FMN2: variants seen among roughly 807,000 people sequenced by gnomAD.
FMN2 encodes the protein formin 2.
FMN2 carries 51 observed loss-of-function variants against 142.3 expected under a neutral mutation model. That is an observed-to-expected ratio of 0.36 (90% CI 0.29 to 0.45). FMN2 has a LOEUF of 0.45. Among genes scored for constraint, FMN2 ranks in the 20% least tolerant of loss-of-function variants. FMN2 has a pLI of 1.00. For missense variants in FMN2, 1,936 were observed against 2,122.8 expected (o/e 0.91, Z 1.73); for synonymous variants, 882 against 869.8 (o/e 1.01, Z -0.25).
At chr1:240,097,124 A>G (rs1661226467) in intron 1 of FMN2, among the ~76,000 whole-genome samples, 1 of 151,932 alleles carries the variant, frequency 6.6e-6, no homozygotes. Flanking sequence ...TCCCAAGTCA[A>G]TTATGTGCTT....
chr1:240,251,258 T>A (rs1477991405), intron 6 of FMN2, among the ~76,000 whole-genome samples: 4 of 152,088 alleles, frequency 2.6e-5, no homozygotes, highest in Non-Finnish European at 5.9e-5. Context: ...CTCATAGGTT[T>A]TGGTGTTTTG....
chr1:240,419,435 T>C (rs933043135), intron 15 of FMN2, among the ~76,000 whole-genome samples: 2 of 151,842 alleles, frequency 1.3e-5, no homozygotes, highest in African/African-American at 4.8e-5. Flanking sequence ...AGTGTGAGGG[T>C]TATTCCTCAA....
At chr1:240,137,270 G>C (rs945153914) in intron 2 of FMN2, among the ~76,000 whole-genome samples, 1 of 151,916 alleles carries the variant, frequency 6.6e-6, no homozygotes, top group Non-Finnish European at 1.5e-5. Context: ...TTATTGTCTA[G>C]ATCAGGGGTT....
At position 240,474,667 on chromosome 1, in the gene FMN2, A is replaced by T. The variant is rs1465245450; in HGVS notation, c.*513A>T. 4 of 152,460 alleles carry T rather than the reference A, an allele frequency of 2.6e-5. No individual in the cohort carries two copies. The highest frequency in any genetic ancestry group is 4.4e-5 in the Non-Finnish European group (3 of 68,020). The allele number at this position is 152,460 out of a possible 1,614,324, so 9.4% of individuals were successfully genotyped here. ...ACCGTTTATAATCAGTGCTTTCCCA[A>T]CTCTTGGGTTGCTCTCCATAACTAT... On this transcript the variant is annotated 3_prime_UTR_variant, in exon 18 of 18. Transcript: ENST00000319653.
intron 14 of FMN2, 32 bp from the exon 15 acceptor site, chr1:240,392,479 T>G (rs1182238863): frequency 1.3e-6 from 2 of 1,590,436 alleles, no homozygotes; most frequent in Admixed American, 3.4e-5. Context: ...TTATCATTTA[T>G]CTCATGTACT....
At position 240,177,645 on chromosome 1, in the gene FMN2, G is replaced by T. The variant is rs1664973917; in HGVS notation, c.1783-276G>T. Reference sequence around the variant, plus strand: ...ATCTGATTTTATAATTCCCTGCAGGGCTACATAGCATCTCTCCCTCCAAAG... The same window carrying T: ...ATCTGATTTTATAATTCCCTGCAGGTCTACATAGCATCTCTCCCTCCAAAG... On this transcript the variant is annotated intron_variant, in intron 2 of 17. Coordinates refer to ENST00000319653, the MANE Select transcript of FMN2 (RefSeq NM_020066.5). 2.6e-5 allele frequency among the ~76,000 whole-genome samples: 4 copies of T among 152,130 alleles called. 1 individual carries two copies. The highest frequency in any genetic ancestry group is 2.6e-4 in the Admixed American group (4 of 15,274).
chr1:240,461,575 C>T (rs1270329877), intron 16 of FMN2, among the ~76,000 whole-genome samples: 1 of 152,144 alleles, frequency 6.6e-6, no homozygotes, highest in Non-Finnish European at 1.5e-5. Flanking sequence ...AAATACATTG[C>T]AAGTCATCTA....
At chr1:240,269,240 A>G (rs1668911934) in intron 7 of FMN2, among the ~76,000 whole-genome samples, 3 of 151,928 alleles carry the variant, frequency 2.0e-5, no homozygotes, top group Non-Finnish European at 4.4e-5. Flanking sequence ...ATAAGGATCT[A>G]TTTTCATTTT....
Position 240,209,443 on chromosome 1 carries a change from C to T in FMN2, c.3920+711C>T, listed in dbSNP as rs528469268. On this transcript the variant is annotated intron_variant, in intron 5 of 17. Transcript: ENST00000319653. The stretch of plus-strand genomic sequence containing the variant: ...TTTTTTTTTGTATTTTCAGTAGAGA[C>T]GGGGTTTCACCGTGTTAGCCAGGAT... Among the ~76,000 whole-genome samples the T allele has an allele frequency of 2.7e-3, 405 of 150,772 alleles. 3 individuals carry two copies. In the South Asian group the frequency reaches 0.027, roughly 10 times the overall value.
At chr1:240,467,894 A>T (rs2103241963) in intron 16 of FMN2, among the ~76,000 whole-genome samples, 1 of 152,378 alleles carries the variant, frequency 6.6e-6, no homozygotes, top group Non-Finnish European at 1.5e-5. Flanking sequence ...CATCTCTTCC[A>T]TCTAAAAGAT....
At chr1:240,406,706 A>C (rs141837497) in intron 15 of FMN2, among the ~76,000 whole-genome samples, 1 of 152,262 alleles carries the variant, frequency 6.6e-6, no homozygotes, top group African/African-American at 2.4e-5. Flanking sequence ...TGTTAATGCA[A>C]ATTCTCAAAA....
intron 2 of FMN2, among the ~76,000 whole-genome samples, chr1:240,165,919 C>T (rs1363215446): frequency 6.6e-6 from 1 of 151,930 alleles, no homozygotes; most frequent in Non-Finnish European, 1.5e-5. Flanking sequence ...GTCCTCCAGT[C>T]CCTTTCCCCG....
intron 15 of FMN2, among the ~76,000 whole-genome samples, chr1:240,396,557 A>T (rs1334244262): frequency 4.0e-5 from 6 of 151,828 alleles, no homozygotes; most frequent in Non-Finnish European, 7.4e-5. Context: ...TGGTTCTGTC[A>T]TCCAGGTATT....
Position 240,206,404 on chromosome 1 carries a change from T to A in FMN2, c.1987-395T>A, listed in dbSNP as rs183531996. 3.9e-3 allele frequency among the ~76,000 whole-genome samples: 599 copies of A among 152,324 alleles called. 6 individuals carry two copies. The highest frequency in any genetic ancestry group is 0.014 in the African/African-American group (562 of 41,570). ...TTCAGTGATCACTTTTAAAAAGCAG[T>A]GACTACCTTTAAAATTCGGGATTAC... On this transcript the variant is annotated intron_variant, in intron 4 of 17. Coordinates refer to ENST00000319653, the MANE Select transcript of FMN2 (RefSeq NM_020066.5).
At chr1:240,430,517 CT>C (rs1361489384) in intron 15 of FMN2, among the ~76,000 whole-genome samples, 1 of 151,930 alleles carries the variant, frequency 6.6e-6, no homozygotes, top group South Asian at 2.1e-4. Context: ...GATTTATCAA[CT>C]TTTTTTCTCT....
At chr1:240,248,684 C>T (rs901705160) in intron 6 of FMN2, among the ~76,000 whole-genome samples, 4 of 151,670 alleles carry the variant, frequency 2.6e-5, no homozygotes, top group African/African-American at 7.3e-5. Flanking sequence ...TATTGTTTTC[C>T]ATAGTGACTG....
intron 3 of FMN2, among the ~76,000 whole-genome samples, chr1:240,183,565 A>T (rs1385137809): frequency 6.6e-6 from 1 of 150,856 alleles, no homozygotes; most frequent in Non-Finnish European, 1.5e-5. Flanking sequence ...GTATATATAC[A>T]CACACACATG....
chr1:240,329,962 A>G (rs530701989), intron 10 of FMN2, among the ~76,000 whole-genome samples: 1 of 152,242 alleles, frequency 6.6e-6, no homozygotes, highest in Non-Finnish European at 1.5e-5. Flanking sequence ...CAATGTTAAC[A>G]TTTAAAACAA....
chr1:240,328,791 T>C (rs879830351), intron 8 of FMN2, among the ~76,000 whole-genome samples: 52 of 152,098 alleles, frequency 3.4e-4, no homozygotes, highest in Non-Finnish European at 6.5e-4. Flanking sequence ...GGTTTCACCA[T>C]GTTGGCCAAG....
Sources: gnomAD v4.1 joint callset for allele counts (sites outside exome capture counted in the v4.1 genomes callset) on GRCh38, gnomAD v4.1.1 for gene constraint, MANE v1.5 for transcripts, NCBI Gene and HGNC (gene_info 2026-07-23, HGNC 2026-07-21) for gene names.